Variants in CALN1 observed in about 807,000 individuals in gnomAD.
CALN1 encodes the protein calcium-binding protein 8.
A neutral mutation model predicts 30.6 loss-of-function variants in CALN1; 17 were observed. The ratio of observed to expected loss-of-function variants is 0.56; its 90% confidence interval spans 0.38 to 0.83. The LOEUF is 0.83. Ranked by LOEUF, CALN1 falls within the 40% of genes least tolerant of loss-of-function variation. The pLI is 0.00. For missense variants in CALN1, 291 were observed against 354.9 expected (o/e 0.82, Z 1.45); for synonymous variants, 156 against 131.4 (o/e 1.19, Z -1.28).
At chr7:71,869,151 C>T (rs1379828758) in intron 5 of CALN1, among the ~76,000 whole-genome samples, 3 of 152,104 alleles carry the variant, frequency 2.0e-5, no homozygotes, top group East Asian at 3.9e-4. Flanking sequence ...TCTATATATA[C>T]AGCTGCTAGA....
chr7:72,101,163 A>G (rs1173063238), intron 4 of CALN1, among the ~76,000 whole-genome samples: 1 of 151,908 alleles, frequency 6.6e-6, no homozygotes. Context: ...ACAGGATTTC[A>G]CTATGTTGGT....
At position 71,781,604 on chromosome 7, in the gene CALN1, C is replaced by T. The variant is rs916270359; in HGVS notation, c.*6171G>A. 1.3e-5 allele frequency: 2 copies of T among 152,222 alleles called. No individual in the cohort carries two copies. The highest frequency in any genetic ancestry group is 4.8e-5 in the African/African-American group (2 of 41,450). 9.4% of individuals were successfully genotyped at this position (152,222 alleles called of 1,614,324 possible). A position where few individuals can be genotyped will look rare whatever the true frequency, so the allele number is the denominator to read the frequency against. ...CTCAGGTCCAGGGATGGAGCAATAT[C>T]GCAGTTGCACCTTGCATTCCCTGGA... On this transcript the variant is annotated 3_prime_UTR_variant, in exon 7 of 7. Transcript: ENST00000395275.
chr7:72,035,468 AACTT>A (rs1211538417), intron 4 of CALN1, among the ~76,000 whole-genome samples: 1 of 152,136 alleles, frequency 6.6e-6, no homozygotes, highest in Non-Finnish European at 1.5e-5. Flanking sequence ...AATAAGGAGG[AACTT>A]ACTTCTGTCA....
intron 5 of CALN1, among the ~76,000 whole-genome samples, chr7:71,925,472 C>CAT (rs1272981331): frequency 4.3e-5 from 5 of 117,222 alleles, no homozygotes; most frequent in African/African-American, 1.5e-4. Flanking sequence ...CAAAACCCCC[C>CAT]TCCTATTTTT....
chr7:72,043,815 G>A (rs1169708396), intron 4 of CALN1, among the ~76,000 whole-genome samples: 1 of 152,138 alleles, frequency 6.6e-6, no homozygotes, highest in Non-Finnish European at 1.5e-5. Context: ...AGACACACAT[G>A]AGACTGGGCA....
At chr7:72,269,420 CATT>C (rs1176177140) in intron 3 of CALN1, among the ~76,000 whole-genome samples, 1 of 151,942 alleles carries the variant, frequency 6.6e-6, no homozygotes, top group Non-Finnish European at 1.5e-5. Flanking sequence ...CATGTGTTCT[CATT>C]GTTCAATTCC....
the CALN1 span, among the ~76,000 whole-genome samples, chr7:72,454,337 C>G: frequency 4.3e-4 from 65 of 152,176 alleles, no homozygotes; most frequent in African/African-American, 1.5e-3. Context: ...GTGATGAGAC[C>G]TGGAGAGCAG....
intron 2 of CALN1, among the ~76,000 whole-genome samples, chr7:72,281,757 A>G (rs1394863274): frequency 6.6e-6 from 1 of 152,090 alleles, no homozygotes; most frequent in African/African-American, 2.4e-5. Context: ...GTCACCTTTT[A>G]CCTGGTTGTC....
In CALN1 at chr7:71,902,759, A is replaced by G. The variant is rs567566324; in HGVS notation, c.502-92267T>C. ...TGCAATTCATAAAGAAGTATTGCAT[A>G]AGGAAAATGTGCTGTATATATATTA... On this transcript the variant is annotated intron_variant, in intron 5 of 6. Coordinates refer to ENST00000395275, the MANE Select transcript of CALN1 (RefSeq NM_031468.4). Among the ~76,000 whole-genome samples, 3 of 152,306 alleles carry G rather than the reference A, an allele frequency of 2.0e-5. No homozygotes were observed. In the East Asian group the frequency reaches 5.8e-4, roughly 29 times the overall value.
At chr7:72,244,575 T>TA (rs1795044415) in intron 3 of CALN1, among the ~76,000 whole-genome samples, 1 of 151,668 alleles carries the variant, frequency 6.6e-6, no homozygotes, top group African/African-American at 2.4e-5. Context: ...TTTTTTTTTT[T>TA]AAATCAGCTT....
At chr7:72,421,573 CTTTTTT>C (rs772198450) in intron 1 of CALN1, among the ~76,000 whole-genome samples, 7 of 58,616 alleles carry the variant, frequency 1.2e-4, no homozygotes, top group African/African-American at 5.1e-4. Context: ...TTTTATCCTA[CTTTTTT>C]TTTTTTTTTT....
At chr7:72,400,724 C>T (rs1293004388) in intron 2 of CALN1, among the ~76,000 whole-genome samples, 3 of 152,206 alleles carry the variant, frequency 2.0e-5, no homozygotes, top group African/African-American at 7.2e-5. Context: ...ATAAAATTAG[C>T]TGGGTTTGGT....
At chr7:72,032,784 A>G (rs1470471681) in intron 4 of CALN1, among the ~76,000 whole-genome samples, 2 of 152,120 alleles carry the variant, frequency 1.3e-5, no homozygotes, top group Non-Finnish European at 2.9e-5. Context: ...CAGGGAGGGG[A>G]TACAGGTCGT....
intron 6 of CALN1, among the ~76,000 whole-genome samples, chr7:71,799,806 T>G (rs556807879): frequency 6.6e-6 from 1 of 152,208 alleles, no homozygotes; most frequent in South Asian, 2.1e-4. Flanking sequence ...AGAATCTCAT[T>G]GCTTCCTACA....
Position 71,810,466 on chromosome 7 carries a change from T to C in CALN1, c.528A>G (p.Glu176=), listed in dbSNP as rs1787884066. The C allele has an allele frequency of 1.2e-6, 2 of 1,613,938 alleles. No homozygotes were observed. Among genetic ancestry groups the C allele is most frequent in the African/African-American group, 2.7e-5 (2 of 74,936 alleles). ...CATGATAGAGAATGTGCTTCAACTC[T>C]TCCAGAGTTATCCTTTGCATGTCAA... ...WQFDMQRITL[E]ELKHILYHAF... The change falls in exon 6 of 7, where the codon GAA becomes GAG. Residue 176 remains glutamate, a synonymous_variant. Coordinates refer to ENST00000395275, the MANE Select transcript of CALN1 (RefSeq NM_031468.4).
chr7:71,827,707 G>T (rs189339806), intron 5 of CALN1, among the ~76,000 whole-genome samples: 1 of 152,070 alleles, frequency 6.6e-6, no homozygotes, highest in East Asian at 1.9e-4. Context: ...GGGAGGCAGA[G>T]GTTGCAGTGA....
At chr7:72,405,124 C>T (rs1411189675) in intron 1 of CALN1, among the ~76,000 whole-genome samples, 1 of 152,164 alleles carries the variant, frequency 6.6e-6, no homozygotes, top group Non-Finnish European at 1.5e-5. Flanking sequence ...TGAGATACGA[C>T]AGGAAGGGTG....
intron 5 of CALN1, among the ~76,000 whole-genome samples, chr7:71,953,431 G>A (rs1338016041): frequency 1.3e-5 from 2 of 152,044 alleles, no homozygotes; most frequent in African/African-American, 4.8e-5. Context: ...ACCACTCCAG[G>A]CCACTCGAAT....
chr7:72,316,183 T>TA (rs1255560510), intron 2 of CALN1, among the ~76,000 whole-genome samples: 2 of 151,814 alleles, frequency 1.3e-5, no homozygotes, highest in Non-Finnish European at 2.9e-5. Context: ...AATTTGTCCT[T>TA]AAAAAAATAC....
Sources: gnomAD v4.1 joint callset for allele counts (sites outside exome capture counted in the v4.1 genomes callset) on GRCh38, gnomAD v4.1.1 for gene constraint, MANE v1.5 for transcripts, NCBI Gene and HGNC (gene_info 2026-07-23, HGNC 2026-07-21) for gene names.